The following FITM2 variants were observed in gnomAD, a reference collection of about 807,000 sequenced individuals.
FITM2 encodes the protein fat storage inducing transmembrane protein 2, also known as acyl-coenzyme A diphosphatase FITM2.
A neutral mutation model predicts 23.3 loss-of-function variants in FITM2; 16 were observed. The ratio of observed to expected loss-of-function variants is 0.69; its 90% confidence interval spans 0.47 to 1.05. FITM2 has a LOEUF of 1.05. Ranked by LOEUF, FITM2 falls within the 50% of genes least tolerant of loss-of-function variation. FITM2 has a pLI of 0.00. For synonymous variants in FITM2, 132 were observed against 142.0 expected (o/e 0.93, Z 0.50); for missense variants, 273 against 327.5 (o/e 0.83, Z 1.29).
rs1179481661 is a variant in FITM2, at chr20:44,303,455, C to T, written c.*3170G>A. On this transcript the variant is annotated 3_prime_UTR_variant, in exon 2 of 2. Coordinates refer to ENST00000396825, the MANE Select transcript of FITM2 (RefSeq NM_001080472.4). ...CTAAGCATGGACAAGTGGCGGAAGC[C>T]TCATCGATACAGAAGGCTCTGCAAT... The T allele has an allele frequency of 1.3e-5, 2 of 152,206 alleles. No individual in the cohort carries two copies. The highest frequency in any genetic ancestry group is 4.8e-5 in the African/African-American group (2 of 41,448). 9.4% of individuals were successfully genotyped at this position (152,206 alleles called of 1,614,324 possible).
At position 44,307,245 on chromosome 20, in the gene FITM2, CAGA is replaced by C. The variant is rs1450897605; in HGVS notation, c.174-8_174-6del. On this transcript the variant is annotated splice_region_variant and splice_polypyrimidine_tract_variant and intron_variant, in intron 1 of 1. Coordinates refer to ENST00000396825, the MANE Select transcript of FITM2 (RefSeq NM_001080472.4). ...CAGGCCACTTTGACAAAATACCTGA[CAGA>C]GGAGGAAAGTGGAAGTGAAGAGAGG... 2 of 1,612,818 alleles carry C rather than the reference CAGA, an allele frequency of 1.2e-6. No homozygotes were observed. The highest frequency in any genetic ancestry group is 4.5e-5 in the East Asian group (2 of 44,858).
In FITM2 at chr20:44,304,255, T is replaced by C. The variant is rs2062684094; in HGVS notation, c.*2370A>G. 1.3e-5 allele frequency: 2 copies of C among 152,192 alleles called. No homozygotes were observed. The highest frequency in any genetic ancestry group is 1.5e-5 in the Non-Finnish European group (1 of 68,054). 9.4% of individuals were successfully genotyped at this position (152,192 alleles called of 1,614,324 possible). On this transcript the variant is annotated 3_prime_UTR_variant, in exon 2 of 2. Coordinates refer to ENST00000396825, the MANE Select transcript of FITM2 (RefSeq NM_001080472.4). ...TAGTGCTTCTCAGTTAATGCTACTA[T>C]TGGACTTGATTGGAGAGAGGGGCAT...
rs765813351 is a variant in FITM2, at chr20:44,302,976, G to A, written c.*3649C>T. 6.6e-5 allele frequency: 10 copies of A among 152,122 alleles called. No individual in the cohort carries two copies. The highest frequency in any genetic ancestry group is 2.0e-4 in the Admixed American group (3 of 15,274). 9.4% of individuals were successfully genotyped at this position (152,122 alleles called of 1,614,324 possible). On this transcript the variant is annotated 3_prime_UTR_variant, in exon 2 of 2. Transcript: ENST00000396825. ...GACAGATGCACGTGGAAAATGAGGCGTCAGTGAATTAATCTCAACATAGAA... is the reference window on the plus strand; with the variant it reads ...GACAGATGCACGTGGAAAATGAGGCATCAGTGAATTAATCTCAACATAGAA...
rs147373369 is a variant in FITM2, at chr20:44,307,061, G to A, written c.353C>T (p.Thr118Met). 432 of 1,614,176 alleles carry A rather than the reference G, an allele frequency of 2.7e-4. 1 individual carries two copies. In the Middle Eastern group the frequency reaches 3.3e-3, roughly 12 times the overall value. Residue 118 changes from threonine (T) to methionine (M), a missense_variant, in exon 2 of 2, where the codon ACG (threonine) becomes ATG (methionine). Physicochemically the swap from Thr to Met is moderately conservative, Grantham distance 81. Transcript: ENST00000396825. ...TSIFSNIEHY[T>M]GSCYQSPALE... is the part of the protein sequence containing the mutation. ...GGCTGGGGACTGGTAGCAGCTGCCC[G>A]TGTAGTGTTCGATGTTGGAGAAGAT...
At chr20:44,310,653 CG>C (rs2062702364) in intron 1 of FITM2, among the ~76,000 whole-genome samples, 1 of 152,112 alleles carries the variant, frequency 6.6e-6, no homozygotes, top group Admixed American at 6.5e-5. Context: ...CAAGGGGAGG[CG>C]GGGGAGTGGT....
intron 1 of FITM2, among the ~76,000 whole-genome samples, chr20:44,308,930 A>ACTTATTATACCTCCTAC (rs1422391925): frequency 2.0e-5 from 3 of 152,134 alleles, no homozygotes; most frequent in African/African-American, 7.2e-5. Flanking sequence ...CTCTGACTTA[A>ACTTATTATACCTCCTAC]CTTATTATAC....
chr20:44,310,483 G>A (rs573727833), intron 1 of FITM2, among the ~76,000 whole-genome samples: 7 of 152,166 alleles, frequency 4.6e-5, no homozygotes, highest in Non-Finnish European at 7.3e-5. Context: ...GCCTGTCACA[G>A]GCTGGGGCGA....
intron 1 of FITM2, among the ~76,000 whole-genome samples, chr20:44,307,796 T>C (rs2062694790): frequency 1.4e-5 from 2 of 147,894 alleles, no homozygotes; most frequent in Non-Finnish European, 3.0e-5. Context: ...CATTAACAAC[T>C]CTATGAGTTG....
chr20:44,307,343 A>C, intron 1 of FITM2, 103 bp from the exon 2 acceptor site: 1 of 1,413,822 alleles, frequency 7.1e-7, no homozygotes, highest in Non-Finnish European at 9.6e-7. Flanking sequence ...AAATGAGAAA[A>C]CTGATCAAAG....
Position 44,305,270 on chromosome 20 carries a change from G to T in FITM2, c.*1355C>A, listed in dbSNP as rs905743428. The stretch of plus-strand genomic sequence containing the variant: ...ACAGTTCTTATCAAAAACTGTAAAG[G>T]ATTCGCTCAAAATAGAACAGAAAAA... On this transcript the variant is annotated 3_prime_UTR_variant, in exon 2 of 2. Transcript: ENST00000396825. 8 of 152,158 alleles carry T rather than the reference G, an allele frequency of 5.3e-5. 1 individual carries two copies. The allele number at this position is 152,158 out of a possible 1,614,324, so 9.4% of individuals were successfully genotyped here.
intron 1 of FITM2, among the ~76,000 whole-genome samples, chr20:44,310,071 AC>A: frequency 6.6e-6 from 1 of 152,166 alleles, no homozygotes; most frequent in Non-Finnish European, 1.5e-5. Flanking sequence ...CAGAGCCAAG[AC>A]CCGTCAGGCA....
chr20:44,310,139 G>A (rs2062701023), intron 1 of FITM2, among the ~76,000 whole-genome samples: 1 of 152,188 alleles, frequency 6.6e-6, no homozygotes, highest in African/African-American at 2.4e-5. Context: ...CCAAAGTTGG[G>A]CTGACTTTCA....
chr20:44,304,214 T>A lies in FITM2; in HGVS notation c.*2411A>T, dbSNP rs2062684017. The A allele has an allele frequency of 6.6e-6, 1 of 152,182 alleles. No homozygotes were observed. The highest frequency in any genetic ancestry group is 6.5e-5 in the Admixed American group (1 of 15,268). The allele number at this position is 152,182 out of a possible 1,614,324, so 9.4% of individuals were successfully genotyped here. A position where few individuals can be genotyped will look rare whatever the true frequency, so the allele number is the denominator to read the frequency against. On this transcript the variant is annotated 3_prime_UTR_variant, in exon 2 of 2. Transcript: ENST00000396825. ...TCATCCTCAACCACTTAAGCTTCAGTGAAGCCAGTCAGGTGTAGTGCTTCT... is the reference window on the plus strand; with the variant it reads ...TCATCCTCAACCACTTAAGCTTCAGAGAAGCCAGTCAGGTGTAGTGCTTCT...
intron 1 of FITM2, 67 bp from the exon 2 acceptor site, chr20:44,307,307 A>G (rs528235923): frequency 2.6e-5 from 41 of 1,567,956 alleles, no homozygotes; most frequent in Middle Eastern, 2.0e-4. Flanking sequence ...GTCAGGACTC[A>G]GGTCTCTACA....
chr20:44,309,868 C>T (rs1188540682), intron 1 of FITM2, among the ~76,000 whole-genome samples: 3 of 152,142 alleles, frequency 2.0e-5, no homozygotes, highest in Admixed American at 6.5e-5. Flanking sequence ...AGGTGGCTGA[C>T]CTAAACCCAG....
intron 1 of FITM2, among the ~76,000 whole-genome samples, chr20:44,309,481 G>A (rs2062699393): frequency 6.6e-6 from 1 of 152,094 alleles, no homozygotes; most frequent in Non-Finnish European, 1.5e-5. Flanking sequence ...CGCCCAGCCT[G>A]GTTCTTTCCT....
At chr20:44,308,702 A>AT (rs1160840689) in intron 1 of FITM2, among the ~76,000 whole-genome samples, 1 of 151,496 alleles carries the variant, frequency 6.6e-6, no homozygotes, top group Non-Finnish European at 1.5e-5. Context: ...TGCCTGGCTA[A>AT]TTTTTTTTAA....
intron 1 of FITM2, among the ~76,000 whole-genome samples, chr20:44,309,382 G>A (rs1174320514): frequency 2.0e-5 from 3 of 152,072 alleles, no homozygotes; most frequent in South Asian, 2.1e-4. Context: ...GTTTCACCAC[G>A]TTGGCCAGGC....
At position 44,306,683 on chromosome 20, in the gene FITM2, G is replaced by C. The variant is rs369188569; in HGVS notation, c.731C>G (p.Pro244Arg). 1.2e-6 allele frequency: 2 copies of C among 1,614,072 alleles called. No homozygotes were observed. Among genetic ancestry groups the C allele is most frequent in the Non-Finnish European group, 1.7e-6 (2 of 1,180,044 alleles). ...YGFWYPKAFS[P>R]GLPPQSCSLN... ...ACTACAGCTCTGGGGAGGAAGTCCTGGGGAAAAGGCTTTCGGATACCAAAA... is the reference window on the plus strand; with the variant it reads ...ACTACAGCTCTGGGGAGGAAGTCCTCGGGAAAAGGCTTTCGGATACCAAAA... The change falls in exon 2 of 2, where the codon CCA (proline) becomes CGA (arginine). Residue 244 changes from proline (P) to arginine (R), a missense_variant. By Grantham distance (103) the Pro-to-Arg change is moderately radical. Around this residue, in one of 3 missense-constraint regions of FITM2, gnomAD observed 33 missense variants for 26.3 expected, o/e 1.25. Transcript: ENST00000396825.
Sources: gnomAD v4.1 joint callset for allele counts (sites outside exome capture counted in the v4.1 genomes callset) on GRCh38, gnomAD v4.1.1 for gene constraint, gnomAD v4.1.1 regional missense constraint, MANE v1.5 for transcripts, NCBI Gene and HGNC (gene_info 2026-07-23, HGNC 2026-07-21) for gene names.